The following SAMD11 variants were observed in gnomAD, a reference collection of about 807,000 sequenced individuals.
The protein encoded by SAMD11 is sterile alpha motif domain-containing protein 11.
A neutral mutation model predicts 64.4 loss-of-function variants in SAMD11; 77 were observed. The observed-to-expected ratio is 1.20, with a 90% CI of 0.99 to 1.44. SAMD11 has a LOEUF of 1.44. Among genes scored for constraint, SAMD11 ranks in the 40% most tolerant of loss-of-function variants. The probability of loss-of-function intolerance (pLI) is 0.00; values close to 1 mark genes in which losing one functional copy is unlikely to be tolerated. For missense variants in SAMD11, 1,402 were observed against 943.3 expected (o/e 1.49, Z -6.37); for synonymous variants, 658 against 421.9 (o/e 1.56, Z -6.86).
chr1:943,037 G>C lies in SAMD11; in HGVS notation c.2032G>C (p.Val678Leu), dbSNP rs1194047459. Residue 678 changes from valine to leucine, a missense_variant, in exon 11 of 14, where the codon GTC (valine) becomes CTC (leucine). Transcript: ENST00000616016. ...STLPLGFPYA[V>L]SPYFHTGAVG... ...ACTGCCCCTGGGCTTCCCTTATGCC[G>C]TCAGCCCCTACTTCCACACAGGTGG... 2.0e-6 allele frequency: 3 copies of C among 1,530,654 alleles called. No individual in the cohort carries two copies. The highest frequency in any genetic ancestry group is 1.8e-6 in the Non-Finnish European group (2 of 1,140,802). 94.8% of individuals were successfully genotyped at this position (1,530,654 alleles called of 1,614,324 possible).
In SAMD11 at chr1:944,367, G is replaced by A. The variant is rs1642019578; in HGVS notation, c.*214G>A. The A allele has an allele frequency of 3.7e-6, 5 of 1,359,876 alleles. No homozygotes were observed. Among genetic ancestry groups the A allele is most frequent in the South Asian group, 1.9e-5 (1 of 51,304 alleles). The allele number at this position is 1,359,876 out of a possible 1,614,324, so 84.2% of individuals were successfully genotyped here. A position where few individuals can be genotyped will look rare whatever the true frequency, so the allele number is the denominator to read the frequency against. On this transcript the variant is annotated 3_prime_UTR_variant, in exon 14 of 14. Coordinates refer to ENST00000616016, the MANE Select transcript of SAMD11 (RefSeq NM_001385641.1). ...CAGATGGACGAGGTCTGCAGACGGA[G>A]GGCAGAGGTGGTGGAAGGGGCCAGG...
chr1:925,824 T>G, intron 1 of SAMD11, 98 bp from the exon 2 acceptor site: 1 of 858,022 alleles, frequency 1.2e-6, no homozygotes, highest in Non-Finnish European at 1.9e-6. Flanking sequence ...TCGGGGTGTA[T>G]TTCGTCCACG....
At position 943,820 on chromosome 1, in the gene SAMD11, G is replaced by A. The variant is rs761276686; in HGVS notation, c.2289+12G>A. On this transcript the variant is annotated intron_variant, in intron 13 of 13. Transcript: ENST00000616016. ...AGATCCGGGCCCAGGTGAGACGCTG[G>A]GGAGTGAGGTCAGGGTCTCCAGACC... 6.2e-7 allele frequency: 1 copy of A among 1,612,936 alleles called. No homozygotes were observed. The highest frequency in any genetic ancestry group is 2.2e-5 in the East Asian group (1 of 44,860).
At chr1:941,872 G>T (rs1356320403) in intron 8 of SAMD11, among the ~76,000 whole-genome samples, 2 of 152,148 alleles carry the variant, frequency 1.3e-5, no homozygotes, top group African/African-American at 4.8e-5. Context: ...GTCCGCAGGG[G>T]AGGGGAGCAG....
rs116362966 is a variant in SAMD11, at chr1:944,001, C to G, written c.2383C>G (p.Leu795Val). ...PPTLRAPERE[L>V]GTGEQPLSPT... The stretch of plus-strand genomic sequence containing the variant: ...AACCCTGCGGGCCCCGGAGCGAGAA[C>G]TCGGCACAGGAGAGCAGCCCTTGTC... Residue 795 changes from leucine (L) to valine (V), a missense_variant, in exon 14 of 14, where the codon CTC becomes GTC. Physicochemically the swap from Leu to Val is conservative, Grantham distance 32. Coordinates refer to ENST00000616016, the MANE Select transcript of SAMD11 (RefSeq NM_001385641.1). 6.2e-7 allele frequency: 1 copy of G among 1,612,864 alleles called. No individual in the cohort carries two copies. The highest frequency in any genetic ancestry group is 8.5e-7 in the Non-Finnish European group (1 of 1,179,980).
intron 4 of SAMD11, among the ~76,000 whole-genome samples, chr1:935,257 C>T (rs187917788): frequency 4.1e-4 from 63 of 152,262 alleles, no homozygotes; most frequent in Non-Finnish European, 7.5e-4. Flanking sequence ...ACGTGTCTGC[C>T]GGTGCCGTGT....
chr1:937,774 C>T (rs1641536282), intron 5 of SAMD11, among the ~76,000 whole-genome samples: 1 of 152,240 alleles, frequency 6.6e-6, no homozygotes. Context: ...GGGACTGACC[C>T]TCTCTCTGGG....
In SAMD11 at chr1:943,817, C is replaced by G; in HGVS notation, c.2289+9C>G. The G allele has an allele frequency of 6.2e-7, 1 of 1,612,908 alleles. No individual in the cohort carries two copies. Among genetic ancestry groups the G allele is most frequent in the South Asian group, 1.1e-5 (1 of 91,070 alleles). Reference sequence around the variant, plus strand: ...TCAAGATCCGGGCCCAGGTGAGACGCTGGGGAGTGAGGTCAGGGTCTCCAG... The same window carrying G: ...TCAAGATCCGGGCCCAGGTGAGACGGTGGGGAGTGAGGTCAGGGTCTCCAG... On this transcript the variant is annotated intron_variant, in intron 13 of 13. Coordinates refer to ENST00000616016, the MANE Select transcript of SAMD11 (RefSeq NM_001385641.1).
rs371756362 is a variant in SAMD11, at chr1:943,092, G to A, written c.2053+34G>A. 4.0e-4 allele frequency: 623 copies of A among 1,549,794 alleles called. 1 individual carries two copies. Among genetic ancestry groups the A allele is most frequent in the Non-Finnish European group, 5.1e-4 (580 of 1,147,792 alleles). On this transcript the variant is annotated intron_variant, in intron 11 of 13. Transcript: ENST00000616016. ...CCCCACACTCTAGATCCTTCCAGAG[G>A]GCACAGGACTGGCAGGCCGCCTGTG... is the stretch of plus-strand genomic sequence containing the variant.
In SAMD11 at chr1:942,615, A is replaced by T; in HGVS notation, c.1610A>T (p.Gln537Leu). Residue 537 changes from glutamine (Q) to leucine (L), a missense_variant, in exon 11 of 14, where the codon CAG becomes CTG. Gln to Leu is a moderately radical substitution (Grantham distance 113). Transcript: ENST00000616016. ...AAGGAGCTGGAGAGCGCGCGCCCACAGCTGCTGGCGCCCGAGACCGCCCTG... is the reference window on the plus strand; with the variant it reads ...AAGGAGCTGGAGAGCGCGCGCCCACTGCTGCTGGCGCCCGAGACCGCCCTG... The part of the protein sequence containing the change: ...RQKELESARP[Q>L]LLAPETALRP... The T allele has an allele frequency of 7.0e-7, 1 of 1,437,844 alleles. No individual in the cohort carries two copies. The allele number at this position is 1,437,844 out of a possible 1,614,324, so 89.1% of individuals were successfully genotyped here.
At position 939,375 on chromosome 1, in the gene SAMD11, C is replaced by A. The variant is rs1378102342; in HGVS notation, c.1158C>A (p.Asp386Glu). 1 of 1,605,052 alleles carries A rather than the reference C, an allele frequency of 6.2e-7. No individual in the cohort carries two copies. Among genetic ancestry groups the A allele is most frequent in the Middle Eastern group, 1.7e-4 (1 of 6,038 alleles). Residue 386 changes from aspartate to glutamate, a missense_variant, in exon 7 of 14, where the codon GAC becomes GAA. Transcript: ENST00000616016. ...TGAGCGAGGCCAGCACCTTTGAGGA[C>A]CCTCAGCGCCTCTACCACCTGGGCC... is the stretch of plus-strand genomic sequence containing the variant. ...SALSEASTFE[D>E]PQRLYHLGLP...
chr1:943,191 T>A (rs2100362754), intron 11 of SAMD11, 62 bp from the exon 12 acceptor site: 1 of 1,607,742 alleles, frequency 6.2e-7, no homozygotes, highest in East Asian at 2.2e-5. Flanking sequence ...CACACGACGG[T>A]CAGGAGACGG....
intron 8 of SAMD11, 47 bp from the exon 9 acceptor site, chr1:942,089 G>A (rs1641807752): frequency 1.8e-6 from 1 of 570,262 alleles, no homozygotes; most frequent in South Asian, 2.9e-5. Flanking sequence ...GGGCCTTTAC[G>A]GGAACGGGGG....
intron 12 of SAMD11, 135 bp from the exon 13 acceptor site, chr1:943,563 G>A (rs1269928400): frequency 3.6e-6 from 3 of 829,198 alleles, no homozygotes; most frequent in Middle Eastern, 4.1e-4. Context: ...GGTGTTTTCT[G>A]CCTGACACTC....
At position 942,422 on chromosome 1, in the gene SAMD11, T is replaced by C. The variant is rs1438127670; in HGVS notation, c.1487T>C (p.Leu496Pro). ...CCCTCCCCACCAGGCTACGGCTTCCTGCCCCCCGCGCAGGCGGAGATGTTC... is the reference window on the plus strand; with the variant it reads ...CCCTCCCCACCAGGCTACGGCTTCCCGCCCCCCGCGCAGGCGGAGATGTTC... ...ALCQTPGYGFLPPAQAEMFAW... is the reference protein window; with the variant it reads ...ALCQTPGYGFPPPAQAEMFAW... Residue 496 changes from leucine (L) to proline (P), a missense_variant, in exon 10 of 14, where the codon CTG becomes CCG. Physicochemically the swap from Leu to Pro is moderately conservative, Grantham distance 98. Transcript: ENST00000616016. The C allele has an allele frequency of 2.4e-5, 35 of 1,464,246 alleles. No homozygotes were observed. The highest frequency in any genetic ancestry group is 3.1e-5 in the Non-Finnish European group (34 of 1,110,322). 90.7% of individuals were successfully genotyped at this position (1,464,246 alleles called of 1,614,324 possible).
chr1:939,067 G>C lies in SAMD11; in HGVS notation c.995G>C (p.Arg332Pro), dbSNP rs374848064. The change falls in exon 6 of 14, where the codon CGC (arginine) becomes CCC (proline). Residue 332 changes from arginine (R) to proline (P), a missense_variant. Transcript: ENST00000616016. ...GACCTGTTGGGCAAGAGGCTGGGCC[G>C]CTCCCCCCGTATCAGCAGCGACTGC... ...AGDLLGKRLG[R>P]SPRISSDCFS... is the part of the protein sequence containing the mutation. 6.2e-7 allele frequency: 1 copy of C among 1,604,958 alleles called. No individual in the cohort carries two copies. Among genetic ancestry groups the C allele is most frequent in the East Asian group, 2.2e-5 (1 of 44,602 alleles).
intron 11 of SAMD11, 65 bp from the exon 12 acceptor site, chr1:943,188 C>T: frequency 5.6e-6 from 9 of 1,606,854 alleles, no homozygotes; most frequent in Admixed American, 3.4e-5. Context: ...GGGCACACGA[C>T]GGTCAGGAGA....
intron 7 of SAMD11, among the ~76,000 whole-genome samples, chr1:939,881 C>T (rs1410847162): frequency 2.0e-5 from 3 of 152,152 alleles, no homozygotes; most frequent in South Asian, 4.1e-4. Flanking sequence ...GCCACCAGGA[C>T]TCCCCAGGTG....
intron 12 of SAMD11, 148 bp downstream of exon 12, chr1:943,525 CCTTTT>C (rs1385267924): frequency 8.5e-6 from 7 of 822,498 alleles, no homozygotes; most frequent in Admixed American, 3.8e-5. Context: ...GTGCACCCCA[CCTTTT>C]TTTTTTTTTT....
Sources: gnomAD v4.1 joint callset for allele counts (sites outside exome capture counted in the v4.1 genomes callset) on GRCh38, gnomAD v4.1.1 for gene constraint, MANE v1.5 for transcripts, NCBI Gene and HGNC (gene_info 2026-07-23, HGNC 2026-07-21) for gene names.